PIWIL1: variants seen among roughly 807,000 people sequenced by gnomAD.
The protein encoded by PIWIL1 is piwi like RNA-mediated gene silencing 1.
Under a neutral mutation model 114.4 loss-of-function variants are expected in PIWIL1, and 73 were observed. The observed-to-expected ratio is 0.64, with a 90% confidence interval of 0.53 to 0.78. The LOEUF (loss-of-function observed/expected upper bound fraction) is 0.78. PIWIL1 is among the 30% of genes least tolerant of loss of function. The pLI is 0.00. For missense variants in PIWIL1, 723 were observed against 1,063.1 expected (o/e 0.68, Z 4.45); for synonymous variants, 375 against 369.0 (o/e 1.02, Z -0.19).
chr12:130,347,039 GTTCTATAATATTATT>G lies in PIWIL1; in HGVS notation c.634_648del (p.Tyr212_Phe216del). The G allele has an allele frequency of 6.2e-7, 1 of 1,611,882 alleles. No individual in the cohort carries two copies. ...CACCTACATCACCAACTTGTTTGCA[GTTCTATAATATTATT>G]TTCAGGAGGTATGTGTTTTATTTCA... On this transcript the variant is annotated inframe_deletion, in exon 6 of 21. Coordinates refer to ENST00000245255, the MANE Select transcript of PIWIL1 (RefSeq NM_004764.5).
chr12:130,388,616 A>T, the PIWIL1 span, among the ~76,000 whole-genome samples: 1 of 152,206 alleles, frequency 6.6e-6, no homozygotes, highest in African/African-American at 2.4e-5. Context: ...CTTGAGTTTT[A>T]AAATGTCTTT....
chr12:130,371,032 C>T, intron 19 of PIWIL1, 144 bp from the exon 20 acceptor site: 1 of 696,318 alleles, frequency 1.4e-6, no homozygotes, highest in Non-Finnish European at 2.5e-6. Flanking sequence ...TCCTGGACTT[C>T]AAGGAAGCAC....
chr12:130,348,180 A>G lies in PIWIL1; in HGVS notation c.731A>G (p.His244Arg). The G allele has an allele frequency of 6.3e-7, 1 of 1,576,486 alleles. No individual in the cohort carries two copies. The highest frequency in any genetic ancestry group is 1.3e-5 in the African/African-American group (1 of 74,306). ...NPNDPIDIPSHRLVIWPGFTT... is the reference protein window; with the variant it reads ...NPNDPIDIPSRRLVIWPGFTT... The stretch of plus-strand genomic sequence containing the variant: ...AATGACCCAATTGATATTCCAAGTC[A>G]CAGGTTTGTATGAAGTAGAACGTTT... The change falls in exon 7 of 21, where the codon CAC becomes CGC. Residue 244 changes from histidine (H) to arginine (R), a missense_variant. Transcript: ENST00000245255.
At chr12:130,357,423 T>C (rs2073392869) in intron 13 of PIWIL1, 58 bp from the exon 14 acceptor site, 2 of 1,269,850 alleles carry the variant, frequency 1.6e-6, no homozygotes, top group African/African-American at 2.9e-5. Context: ...AAGGTGTTTA[T>C]GCACGGTCCA....
chr12:130,382,235 C>T, the PIWIL1 span, among the ~76,000 whole-genome samples: 381 of 152,340 alleles, frequency 2.5e-3, 1 homozygote, highest in Non-Finnish European at 3.7e-3. Context: ...CTGGATCAAC[C>T]TATATCTTCA....
the PIWIL1 span, among the ~76,000 whole-genome samples, chr12:130,400,785 G>A: frequency 6.6e-6 from 1 of 152,124 alleles, no homozygotes; most frequent in African/African-American, 2.4e-5. Flanking sequence ...CCCAATTAAA[G>A]ACATTTCTCC....
the PIWIL1 span, among the ~76,000 whole-genome samples, chr12:130,384,244 TG>T: frequency 6.6e-6 from 1 of 152,250 alleles, no homozygotes; most frequent in Non-Finnish European, 1.5e-5. Context: ...TTCAGCACTT[TG>T]TTTTGTTGAA....
the PIWIL1 span, among the ~76,000 whole-genome samples, chr12:130,395,745 G>C: frequency 4.6e-5 from 7 of 152,306 alleles, no homozygotes; most frequent in African/African-American, 1.7e-4. Flanking sequence ...TGGTTACTTG[G>C]AGAATTCTAA....
the PIWIL1 span, among the ~76,000 whole-genome samples, chr12:130,393,118 G>T: frequency 8.8e-5 from 7 of 79,628 alleles, no homozygotes; most frequent in South Asian, 4.5e-4. Flanking sequence ...CAGTTACCTG[G>T]TGAATATTGA....
chr12:130,382,469 G>A, the PIWIL1 span, among the ~76,000 whole-genome samples: 104 of 152,364 alleles, frequency 6.8e-4, 1 homozygote, highest in South Asian at 0.021. Flanking sequence ...GGCCTGGGCC[G>A]CCGTGGTCTG....
the PIWIL1 span, among the ~76,000 whole-genome samples, chr12:130,381,615 G>GC: frequency 1.3e-5 from 2 of 152,126 alleles, no homozygotes; most frequent in Non-Finnish European, 2.9e-5. Context: ...GAATAAAACT[G>GC]CCATAAACAT....
chr12:130,391,889 G>A, the PIWIL1 span, among the ~76,000 whole-genome samples: 5 of 151,316 alleles, frequency 3.3e-5, no homozygotes, highest in Non-Finnish European at 5.9e-5. Flanking sequence ...CCTAGTCACC[G>A]TCCTCACATG....
intron 14 of PIWIL1, 51 bp from the exon 15 acceptor site, chr12:130,361,129 T>A: frequency 6.4e-7 from 1 of 1,555,230 alleles, no homozygotes; most frequent in Non-Finnish European, 8.8e-7. Context: ...TCTCCCTTGC[T>A]CTTAATCATC....
Position 130,346,957 on chromosome 12 carries a change from G to A in PIWIL1, c.548G>A (p.Ser183Asn). ...RLQQKVTEVF[S>N]KTRNGEDVRI... is the part of the protein sequence containing the mutation. ...TGGCTTCAGGTTACTGAAGTTTTTA[G>A]TAAGACCCGGAATGGAGAGGATGTG... Residue 183 changes from serine (S) to asparagine (N), a missense_variant, in exon 6 of 21, where the codon AGT becomes AAT. This residue lies in a region of PIWIL1 where 190 missense variants were observed against 294.4 expected (regional missense o/e 0.65). Transcript: ENST00000245255. 1 of 1,612,052 alleles carries A rather than the reference G, an allele frequency of 6.2e-7. No individual in the cohort carries two copies. The highest frequency in any genetic ancestry group is 2.2e-5 in the East Asian group (1 of 44,868).
At chr12:130,398,195 G>A in the PIWIL1 span, 1 of 152,236 alleles carries the variant, frequency 6.6e-6, no homozygotes, top group African/African-American at 2.4e-5. Flanking sequence ...GCGCTTAATA[G>A]TGCTTCAGAG....
At chr12:130,416,949 A>C in the PIWIL1 span, among the ~76,000 whole-genome samples, 4 of 151,726 alleles carry the variant, frequency 2.6e-5, no homozygotes, top group Non-Finnish European at 5.9e-5. Flanking sequence ...ATAAAATATA[A>C]ATAAAAAATA....
chr12:130,414,342 TG>T, the PIWIL1 span: 1 of 1,530,308 alleles, frequency 6.5e-7, no homozygotes, highest in Non-Finnish European at 8.8e-7. Flanking sequence ...AGAGCGGCAG[TG>T]AGCCTAACTG....
chr12:130,412,612 C>A, the PIWIL1 span: 1 of 1,612,790 alleles, frequency 6.2e-7, no homozygotes, highest in South Asian at 1.1e-5. Context: ...TAGGGGTTTG[C>A]GCTTACCTAT....
chr12:130,410,335 T>C, the PIWIL1 span, among the ~76,000 whole-genome samples: 1 of 152,244 alleles, frequency 6.6e-6, no homozygotes, highest in African/African-American at 2.4e-5. Context: ...CTGTGGCTTT[T>C]TATTCTGCAC....
Sources: allele counts gnomAD v4.1 joint callset (sites outside exome capture counted in the v4.1 genomes callset), GRCh38; gene constraint gnomAD v4.1.1; regional missense constraint gnomAD v4.1.1; transcripts MANE v1.5; gene names NCBI Gene and HGNC (gene_info 2026-07-23, HGNC 2026-07-21).